Variants in HUWE1 observed in about 807,000 individuals in gnomAD.
The protein encoded by HUWE1 is E3 ubiquitin-protein ligase HUWE1.
Under a neutral mutation model 299.4 loss-of-function variants are expected in HUWE1, and 18 were observed. That is an observed-to-expected ratio of 0.06 (90% CI 0.04 to 0.09). The LOEUF is 0.09. Ranked by LOEUF, HUWE1 falls within the 10% of genes least tolerant of loss-of-function variation. HUWE1 has a pLI of 1.00. For synonymous variants in HUWE1, 1,317 were observed against 1,286.1 expected, an observed-to-expected ratio of 1.02 and a Z score of -0.51; for missense variants, 1,832 against 3,462.3, an observed-to-expected ratio of 0.53 and a Z score of 11.82.
At chrX:53,571,276 T>A (rs1362648585) in intron 47 of HUWE1, among the ~76,000 whole-genome samples, 1 of 112,590 alleles carries the variant, frequency 8.9e-6, no homozygotes, top group African/African-American at 3.2e-5. Flanking sequence ...GTAATACTAT[T>A]ATAAATTATG....
chrX:53,638,737 G>C (rs2067378764), intron 7 of HUWE1, among the ~76,000 whole-genome samples: 1 of 111,950 alleles, frequency 8.9e-6, no homozygotes, highest in African/African-American at 3.2e-5. Flanking sequence ...TGGAGGTGAG[G>C]AAGACTAATA....
Position 53,543,827 on chromosome X carries a change from G to C in HUWE1, c.11379+14C>G. The C allele has an allele frequency of 1.7e-6, 2 of 1,211,297 alleles. No homozygotes were observed. Among genetic ancestry groups the C allele is most frequent in the Non-Finnish European group, 2.2e-6 (2 of 895,145 alleles). ...AGAGACAAATGAATGAGGGGCCACA[G>C]GCATCATGCTAACCGTTGCTGCTTG... On this transcript the variant is annotated intron_variant, in intron 73 of 83. Coordinates refer to ENST00000262854, the MANE Select transcript of HUWE1 (RefSeq NM_031407.7).
chrX:53,594,678 A>G, intron 30 of HUWE1, 57 bp from the exon 31 acceptor site: 1 of 1,158,535 alleles, frequency 8.6e-7, no homozygotes. Flanking sequence ...GACAGAAGCA[A>G]TAGGAAATTC....
intron 3 of HUWE1, among the ~76,000 whole-genome samples, chrX:53,676,199 A>C (rs1232899074): frequency 8.9e-6 from 1 of 112,030 alleles, no homozygotes; most frequent in East Asian, 2.8e-4. Flanking sequence ...ATAGTACATT[A>C]AATAAATTAC....
chrX:53,634,743 G>A (rs1454412777), intron 7 of HUWE1, among the ~76,000 whole-genome samples: 1 of 112,268 alleles, frequency 8.9e-6, no homozygotes, highest in African/African-American at 3.3e-5. Flanking sequence ...CACTAGGGAG[G>A]AAATCATGCT....
rs192296115 is a variant in HUWE1 at position 53,602,183 on chromosome X, T to C, written c.2971+381A>G. On this transcript the variant is annotated intron_variant, in intron 28 of 83. Transcript: ENST00000262854. ...TACAAAAATGTTCATTTTTTAAAAA[T>C]AGCATATTAGAAACTTAACAGGGAA... Among the ~76,000 whole-genome samples, 5 of 111,770 alleles carry C rather than the reference T, an allele frequency of 4.5e-5. No homozygotes were observed. In the East Asian group the frequency reaches 8.3e-4, roughly 19 times the overall value.
chrX:53,532,159 CGAA>C lies in HUWE1; in HGVS notation c.*1147_*1149del, dbSNP rs2060809568. The C allele has an allele frequency of 9.0e-6, 1 of 111,207 alleles. No individual in the cohort carries two copies. The highest frequency in any genetic ancestry group is 3.8e-4 in the South Asian group (1 of 2,622). 9.2% of individuals were successfully genotyped at this position (111,207 alleles called of 1,213,427 possible). A position where few individuals can be genotyped will look rare whatever the true frequency, so the allele number is the denominator to read the frequency against. On this transcript the variant is annotated 3_prime_UTR_variant, in exon 84 of 84. Transcript: ENST00000262854. ...TTTTTTCTTTGAAGGCTGGAACCAT[CGAA>C]GTCCTTAGATCAGCTTTAAGCACTG...
rs781825646 is a variant in HUWE1, at chrX:53,557,442, G to A, written c.8161-15C>T. The stretch of plus-strand genomic sequence containing the variant: ...GATGCAGTACACTGCAAAAAGAAGG[G>A]ATAGACCAATGTGGGACTTTGCAAG... On this transcript the variant is annotated splice_polypyrimidine_tract_variant and intron_variant, in intron 59 of 83. Coordinates refer to ENST00000262854, the MANE Select transcript of HUWE1 (RefSeq NM_031407.7). The A allele has an allele frequency of 3.0e-5, 36 of 1,195,960 alleles. No individual in the cohort carries two copies. The South Asian group carries it at 6.0e-4, about 20-fold the overall frequency.
chrX:53,621,788 C>T (rs1479535808), intron 19 of HUWE1, among the ~76,000 whole-genome samples: 1 of 111,988 alleles, frequency 8.9e-6, no homozygotes, highest in Non-Finnish European at 1.9e-5. Flanking sequence ...TAACAGATAC[C>T]CTAGCCCAGG....
At position 53,625,400 on chromosome X, in the gene HUWE1, G is replaced by C. The variant is rs781874679; in HGVS notation, c.1490-142C>G. ...TTCGAAGTGAGGTCTCTGAATGTTA[G>C]GAAGAATACTTAATTAAGCTTTGAA... On this transcript the variant is annotated intron_variant, in intron 17 of 83. Transcript: ENST00000262854. 62 of 435,178 alleles carry C rather than the reference G, an allele frequency of 1.4e-4. No homozygotes were observed. The South Asian group carries it at 2.6e-3, about 18-fold the overall frequency. 35.9% of individuals were successfully genotyped at this position (435,178 alleles called of 1,213,427 possible). A position where few individuals can be genotyped will look rare whatever the true frequency, so the allele number is the denominator to read the frequency against.
At chrX:53,649,629 T>A (rs1044440118) in intron 4 of HUWE1, among the ~76,000 whole-genome samples, 1 of 111,963 alleles carries the variant, frequency 8.9e-6, no homozygotes, top group Non-Finnish European at 1.9e-5. Context: ...CACTTTTTCC[T>A]CTTCTCCTCT....
At chrX:53,655,993 A>G (rs782579142) in intron 3 of HUWE1, among the ~76,000 whole-genome samples, 3 of 111,906 alleles carry the variant, frequency 2.7e-5, no homozygotes, top group African/African-American at 6.5e-5. Flanking sequence ...TAGAAAACCC[A>G]AGAAATCTAT....
chrX:53,620,765 A>G (rs1399503080), intron 19 of HUWE1, among the ~76,000 whole-genome samples: 2 of 111,537 alleles, frequency 1.8e-5, no homozygotes, highest in African/African-American at 3.3e-5. Context: ...TATAATACCC[A>G]AACAGAATCC....
rs373852004 is a variant in HUWE1 at position 53,602,702 on chromosome X, T to C, written c.2877-44A>G. 1.2e-5 allele frequency: 8 copies of C among 663,174 alleles called. No homozygotes were observed. In the African/African-American group the frequency reaches 1.5e-4, roughly 13 times the overall value. The allele number at this position is 663,174 out of a possible 1,213,427, so 54.7% of individuals were successfully genotyped here. A position where few individuals can be genotyped will look rare whatever the true frequency, so the allele number is the denominator to read the frequency against. The stretch of plus-strand genomic sequence containing the variant: ...TGAGCAAAAGAAATATATATATATA[T>C]ATACTGATAATTCACCTCTTATATT... On this transcript the variant is annotated intron_variant, in intron 27 of 83. Coordinates refer to ENST00000262854, the MANE Select transcript of HUWE1 (RefSeq NM_031407.7).
intron 49 of HUWE1, among the ~76,000 whole-genome samples, chrX:53,566,256 G>A (rs1346107874): frequency 3.8e-5 from 4 of 104,118 alleles, no homozygotes; most frequent in Admixed American, 2.1e-4. Context: ...CAGGAATAGG[G>A]CAAGGAAGGG....
chrX:53,617,181 TAA>T (rs1353222472), intron 20 of HUWE1, 34 bp from the exon 21 acceptor site: 6 of 1,164,899 alleles, frequency 5.2e-6, no homozygotes, highest in South Asian at 3.7e-5. Context: ...TGAATGCATC[TAA>T]AAGAGTGTAG....
intron 3 of HUWE1, among the ~76,000 whole-genome samples, chrX:53,679,034 C>T (rs1391362377): frequency 1.8e-5 from 2 of 111,694 alleles, no homozygotes; most frequent in Non-Finnish European, 3.8e-5. Flanking sequence ...GAGATTATAG[C>T]CATTGTTCCA....
At chrX:53,560,454 G>T (rs781985573) in intron 55 of HUWE1, 38 bp from the exon 56 acceptor site, 25 of 1,129,586 alleles carry the variant, frequency 2.2e-5, no homozygotes, top group Non-Finnish European at 2.9e-5. Flanking sequence ...GTGTCAAAAA[G>T]AAATTTCTTC....
chrX:53,603,348 A>G lies in HUWE1; in HGVS notation c.2876+20T>C, dbSNP rs1556993158. On this transcript the variant is annotated intron_variant, in intron 27 of 83. Transcript: ENST00000262854. ...CGAACTTAGATAACAAAGTAATAAG[A>G]GAGAGAGCCATTCTCTTACCTGTTT... 5 of 1,204,141 alleles carry G rather than the reference A, an allele frequency of 4.2e-6. No individual in the cohort carries two copies. The highest frequency in any genetic ancestry group is 5.6e-6 in the Non-Finnish European group (5 of 889,654).
Sources: allele counts gnomAD v4.1 joint callset (sites outside exome capture counted in the v4.1 genomes callset), GRCh38; gene constraint gnomAD v4.1.1; transcripts MANE v1.5; gene names NCBI Gene and HGNC (gene_info 2026-07-23, HGNC 2026-07-21).